The following OCIAD1 variants were observed in gnomAD, a reference collection of about 807,000 sequenced individuals.
OCIAD1 encodes the protein OCIA domain-containing protein 1.
OCIAD1 carries 29 observed loss-of-function variants against 38.9 expected under a neutral mutation model. The ratio of observed to expected loss-of-function variants is 0.74; its 90% confidence interval spans 0.55 to 1.02. OCIAD1 has a LOEUF of 1.02. Among genes scored for constraint, OCIAD1 ranks in the 50% least tolerant of loss-of-function variants. The pLI is 0.00. For missense variants in OCIAD1, 288 were observed against 289.6 expected, an observed-to-expected ratio of 0.99 and a Z score of 0.04; for synonymous variants, 110 against 92.0, an observed-to-expected ratio of 1.20 and a Z score of -1.12.
In OCIAD1 at chr4:48,832,692, T is replaced by TATTA. The variant is rs1777621562; in HGVS notation, c.58+12_58+15dup. On this transcript the variant is annotated intron_variant, in intron 2 of 8. Transcript: ENST00000264312. ...CCAAGACCAATTCCCCGTAACTATC[T>TATTA]ATTAAGTATTTATAATTAGAAGCAC... 6.3e-7 allele frequency: 1 copy of TATTA among 1,597,058 alleles called. No individual in the cohort carries two copies.
rs186478878 is a variant in OCIAD1 at position 48,840,352 on chromosome 4, A to T, written c.140-2284A>T. ...GATTGCAAATTGTACTGGTGCTGTA[A>T]TTAAAAGGGATTTGTCCTTTGCAAA... On this transcript the variant is annotated intron_variant, in intron 3 of 8. Coordinates refer to ENST00000264312, the MANE Select transcript of OCIAD1 (RefSeq NM_017830.4). Among the ~76,000 whole-genome samples the T allele has an allele frequency of 4.8e-3, 727 of 152,358 alleles. 7 individuals carry two copies. Among genetic ancestry groups the T allele is most frequent in the African/African-American group, 0.017 (696 of 41,582 alleles).
chr4:48,855,730 C>T (rs1779974008), intron 7 of OCIAD1, among the ~76,000 whole-genome samples: 1 of 151,736 alleles, frequency 6.6e-6, no homozygotes, highest in Non-Finnish European at 1.5e-5. Flanking sequence ...GCAGGACAAT[C>T]ACTGGAACCT....
At chr4:48,807,597 T>C (rs1391952736) in intron 1 of OCIAD1, among the ~76,000 whole-genome samples, 11 of 152,338 alleles carry the variant, frequency 7.2e-5, no homozygotes, top group Non-Finnish European at 1.5e-4. Context: ...CTTTCTTTCT[T>C]GCCTTTTTTT....
At chr4:48,834,508 G>T (rs528661188) in intron 3 of OCIAD1, among the ~76,000 whole-genome samples, 1 of 152,296 alleles carries the variant, frequency 6.6e-6, no homozygotes, top group South Asian at 2.1e-4. Context: ...GGTGCCTCAT[G>T]GCTATAATTG....
At chr4:48,819,740 A>AAAAAAAAAAAG (rs1381189214) in intron 1 of OCIAD1, among the ~76,000 whole-genome samples, 17 of 145,556 alleles carry the variant, frequency 1.2e-4, no homozygotes, top group South Asian at 2.2e-4. Context: ...AAAAAAAAAA[A>AAAAAAAAAAAG]AAAAGGAGGG....
chr4:48,817,446 G>T (rs559443714), intron 1 of OCIAD1, among the ~76,000 whole-genome samples: 1 of 152,136 alleles, frequency 6.6e-6, no homozygotes, highest in Non-Finnish European at 1.5e-5. Flanking sequence ...TTTGCACTCT[G>T]CAGATCAGGA....
intron 1 of OCIAD1, among the ~76,000 whole-genome samples, chr4:48,820,712 G>A (rs1560408537): frequency 6.6e-6 from 1 of 152,116 alleles, no homozygotes; most frequent in African/African-American, 2.4e-5. Flanking sequence ...AATGATAAAG[G>A]TGATATCACC....
intron 3 of OCIAD1, chr4:48,837,196 A>ATCTCCTG (rs1778073343): frequency 6.7e-6 from 1 of 148,854 alleles, no homozygotes; most frequent in Admixed American, 6.7e-5. Flanking sequence ...GATGGTCTCC[A>ATCTCCTG]TCTCCTGACC....
intron 6 of OCIAD1, 71 bp from the exon 7 acceptor site, chr4:48,851,735 T>A: frequency 1.2e-6 from 1 of 817,520 alleles, no homozygotes. Context: ...ATGAAAGAAG[T>A]TATTTTAACA....
At chr4:48,821,659 C>T (rs898888262) in intron 1 of OCIAD1, among the ~76,000 whole-genome samples, 5 of 152,044 alleles carry the variant, frequency 3.3e-5, no homozygotes, top group African/African-American at 4.8e-5. Flanking sequence ...TTGTCTCAGC[C>T]CAAAAATTCT....
intron 7 of OCIAD1, among the ~76,000 whole-genome samples, chr4:48,855,706 C>T (rs1195234394): frequency 3.3e-5 from 5 of 151,838 alleles, no homozygotes; most frequent in Admixed American, 6.6e-5. Flanking sequence ...ATCCCAGCTA[C>T]TTGGGAGGCT....
chr4:48,827,517 T>C (rs1777263047), upstream of OCIAD1, among the ~76,000 whole-genome samples: 1 of 152,264 alleles, frequency 6.6e-6, no homozygotes, highest in Admixed American at 6.5e-5. Flanking sequence ...CCCGCAAGTC[T>C]TTGGATCTTG....
At position 48,831,148 on chromosome 4, in the gene OCIAD1, T is replaced by A. The variant is rs1777444028; in HGVS notation, c.-107T>A. 7 of 303,838 alleles carry A rather than the reference T, an allele frequency of 2.3e-5. No individual in the cohort carries two copies. Among genetic ancestry groups the A allele is most frequent in the South Asian group, 1.9e-4 (7 of 37,072 alleles). 18.8% of individuals were successfully genotyped at this position (303,838 alleles called of 1,614,324 possible). On this transcript the variant is annotated 5_prime_UTR_variant, in exon 1 of 9. It introduces an in-frame stop codon into an upstream open reading frame of the 5' UTR. Transcript: ENST00000264312. ...ACCCCTCCCCCTCCCCGCGGTACCTTGCACTTTTCTCCCTCCCTGCCCCCT... is the reference window on the plus strand; with the variant it reads ...ACCCCTCCCCCTCCCCGCGGTACCTAGCACTTTTCTCCCTCCCTGCCCCCT...
chr4:48,821,913 A>G lies in OCIAD1; in HGVS notation c.-102-8664A>G, dbSNP rs527758411. ...TACGAGAGGACACAAACAAATGGAA[A>G]AACATTCCATGCTCATGGATAGGAA... On this transcript the variant is annotated intron_variant, in intron 1 of 6. Transcript: ENST00000504654. Among the ~76,000 whole-genome samples the G allele has an allele frequency of 2.2e-4, 33 of 152,306 alleles. 1 individual carries two copies. The South Asian group carries it at 6.4e-3, about 30-fold the overall frequency.
At chr4:48,805,730 G>A (rs572955549) in intron 1 of OCIAD1, among the ~76,000 whole-genome samples, 8 of 150,932 alleles carry the variant, frequency 5.3e-5, no homozygotes, top group Admixed American at 1.3e-4. Context: ...TCCCTTTTAC[G>A]CAAATTTTCC....
At position 48,859,231 on chromosome 4, in the gene OCIAD1, C is replaced by T. The variant is rs1005812561; in HGVS notation, c.701-1494C>T. On this transcript the variant is annotated intron_variant, in intron 8 of 8. Coordinates refer to ENST00000264312, the MANE Select transcript of OCIAD1 (RefSeq NM_017830.4). ...ATCATATTATTGATGTAAAAAAAATCTACCTTTGAAATGAATTAGGGATGT... is the reference window on the plus strand; with the variant it reads ...ATCATATTATTGATGTAAAAAAAATTTACCTTTGAAATGAATTAGGGATGT... 2.7e-4 allele frequency among the ~76,000 whole-genome samples: 41 copies of T among 149,440 alleles called. No homozygotes were observed. In the East Asian group the frequency reaches 7.4e-3, roughly 27 times the overall value.
intron 5 of OCIAD1, among the ~76,000 whole-genome samples, chr4:48,849,422 C>T (rs1375798583): frequency 1.3e-5 from 2 of 152,084 alleles, no homozygotes; most frequent in East Asian, 1.9e-4. Flanking sequence ...TCATGTGATG[C>T]AGTAAGTGCC....
At chr4:48,843,341 A>G (rs530041636) in intron 4 of OCIAD1, among the ~76,000 whole-genome samples, 1 of 152,304 alleles carries the variant, frequency 6.6e-6, no homozygotes, top group South Asian at 2.1e-4. Flanking sequence ...TTACTTCATG[A>G]ACTATCTATC....
chr4:48,834,202 G>A (rs756883909), intron 3 of OCIAD1, among the ~76,000 whole-genome samples: 4 of 151,966 alleles, frequency 2.6e-5, no homozygotes, highest in South Asian at 2.1e-4. Flanking sequence ...ATGGAGCTTC[G>A]CTCTTGTTGC....
Sources: allele counts gnomAD v4.1 joint callset (sites outside exome capture counted in the v4.1 genomes callset), GRCh38; gene constraint gnomAD v4.1.1; transcripts MANE v1.5; gene names NCBI Gene and HGNC (gene_info 2026-07-23, HGNC 2026-07-21).